DST: variants seen among roughly 807,000 people sequenced by gnomAD.
DST encodes the protein dystonin.
DST carries 253 observed loss-of-function variants against 875.2 expected under a neutral mutation model. The ratio of observed to expected loss-of-function variants is 0.29; its 90% CI spans 0.26 to 0.32. The LOEUF (loss-of-function observed/expected upper bound fraction) is 0.32, where lower values mean the gene tolerates loss of function less well. Among genes scored for constraint, DST ranks in the 10% least tolerant of loss-of-function variants. The pLI is 1.00. For synonymous variants in DST, 3,124 were observed against 3,197.1 expected (o/e 0.98, Z 0.77); for missense variants, 8,287 against 9,111.6 (o/e 0.91, Z 3.68).
chr6:56,502,322 A>G (rs1219134921), intron 78 of DST, among the ~76,000 whole-genome samples: 1 of 152,174 alleles, frequency 6.6e-6, no homozygotes, highest in Non-Finnish European at 1.5e-5. Context: ...TTCATAAAAT[A>G]TTTATTTTAA....
intron 2 of DST, among the ~76,000 whole-genome samples, chr6:56,943,877 G>A (rs1818030761): frequency 6.6e-6 from 1 of 152,100 alleles, no homozygotes; most frequent in Admixed American, 6.5e-5. Flanking sequence ...AGCACTTTGG[G>A]AGACCAAAGT....
intron 5 of DST, among the ~76,000 whole-genome samples, chr6:56,720,458 T>C (rs923649913): frequency 6.6e-6 from 1 of 151,704 alleles, no homozygotes; most frequent in African/African-American, 2.4e-5. Context: ...CAGATAAACA[T>C]GTGAACAAAG....
intron 3 of DST, among the ~76,000 whole-genome samples, chr6:56,857,629 A>G (rs1768633465): frequency 6.6e-6 from 1 of 152,196 alleles, no homozygotes; most frequent in Non-Finnish European, 1.5e-5. Flanking sequence ...GCATCACATA[A>G]TTTTGATATT....
chr6:56,826,513 CTT>C (rs1231875995), intron 4 of DST, among the ~76,000 whole-genome samples: 4 of 152,152 alleles, frequency 2.6e-5, no homozygotes, highest in Non-Finnish European at 4.4e-5. Flanking sequence ...GCTAACCACT[CTT>C]AAGTTTGGTT....
intron 4 of DST, among the ~76,000 whole-genome samples, chr6:56,760,747 T>A (rs2099615199): frequency 6.6e-6 from 1 of 152,242 alleles, no homozygotes. Flanking sequence ...GCACTTATTA[T>A]ATGCCAGGAA....
At position 56,553,747 on chromosome 6, in the gene DST, T is replaced by C. The variant is rs550562308; in HGVS notation, c.15137-92A>G. 49 of 1,244,286 alleles carry C rather than the reference T, an allele frequency of 3.9e-5. No individual in the cohort carries two copies. The Admixed American group carries it at 6.9e-4, about 17-fold the overall frequency. The allele number at this position is 1,244,286 out of a possible 1,614,324, so 77.1% of individuals were successfully genotyped here. ...AAATAAAAATCTCTGAATGAATATA[T>C]AGAATTGTTGAAAAGCAAGGGCTTT... On this transcript the variant is annotated intron_variant, in intron 60 of 103. Coordinates refer to ENST00000680361, the MANE Select transcript of DST (RefSeq NM_001374736.1).
At chr6:56,716,429 G>A (rs2099394747) in intron 5 of DST, among the ~76,000 whole-genome samples, 1 of 152,194 alleles carries the variant, frequency 6.6e-6, no homozygotes, top group Non-Finnish European at 1.5e-5. Context: ...CTACACAATT[G>A]TTAGATAAAA....
intron 58 of DST, among the ~76,000 whole-genome samples, chr6:56,557,854 A>G (rs1230053035): frequency 1.3e-5 from 2 of 152,158 alleles, no homozygotes; most frequent in Non-Finnish European, 2.9e-5. Flanking sequence ...TAGAACAATG[A>G]ACAATAATCC....
chr6:56,630,917 G>C (rs1049044310), intron 30 of DST, among the ~76,000 whole-genome samples: 11 of 151,718 alleles, frequency 7.3e-5, no homozygotes, highest in African/African-American at 2.4e-4. Context: ...CGAGTAGCTG[G>C]GACTACAGAC....
intron 49 of DST, among the ~76,000 whole-genome samples, chr6:56,581,075 A>G (rs966321041): frequency 2.9e-5 from 4 of 138,112 alleles, no homozygotes; most frequent in African/African-American, 1.1e-4. Context: ...AAAAAAAAAA[A>G]AGTGAGAGCA....
chr6:56,829,670 G>C (rs1394377644), intron 4 of DST, among the ~76,000 whole-genome samples: 1 of 152,050 alleles, frequency 6.6e-6, no homozygotes, highest in African/African-American at 2.4e-5. Flanking sequence ...AAAGTAACCA[G>C]ATCATATCAG....
At position 56,933,321 on chromosome 6, in the gene DST, G is replaced by T. The variant is rs1157436773; in HGVS notation, c.216+20464C>A. Among the ~76,000 whole-genome samples the T allele has an allele frequency of 4.6e-5, 7 of 152,322 alleles. No individual in the cohort carries two copies. The East Asian group carries it at 1.2e-3, about 25-fold the overall frequency. Reference sequence around the variant, plus strand: ...GTGTAACCTCTGCATATTGATTTATGATTTTGTCTGTAACTTCTGCTTTCC... The same window carrying T: ...GTGTAACCTCTGCATATTGATTTATTATTTTGTCTGTAACTTCTGCTTTCC... On this transcript the variant is annotated intron_variant, in intron 2 of 103. Transcript: ENST00000680361.
intron 86 of DST, among the ~76,000 whole-genome samples, chr6:56,488,812 C>T (rs926694470): frequency 9.3e-6 from 1 of 107,372 alleles, no homozygotes; most frequent in Non-Finnish European, 1.8e-5. Context: ...AATAGAATTA[C>T]ATAAAAATCC....
intron 9 of DST, among the ~76,000 whole-genome samples, chr6:56,697,467 T>C (rs2152870018): frequency 6.6e-6 from 1 of 152,306 alleles, no homozygotes; most frequent in Non-Finnish European, 1.5e-5. Flanking sequence ...CAGAATGGAT[T>C]CAGAGAGACT....
chr6:56,735,168 C>A, intron 5 of DST, 60 bp downstream of exon 5: 1 of 1,168,344 alleles, frequency 8.6e-7, no homozygotes, highest in Admixed American at 2.1e-5. Context: ...TAATCAATTA[C>A]TGCAAAATAA....
intron 54 of DST, among the ~76,000 whole-genome samples, chr6:56,569,340 C>A (rs66939557): frequency 0.37 from 48,191 of 131,506 alleles, 9,351 homozygotes; most frequent in Non-Finnish European, 0.41. Context: ...AAAAAAAAAA[C>A]AAAAACACAC....
At chr6:56,665,129 G>A (rs530045796) in intron 10 of DST, among the ~76,000 whole-genome samples, 14 of 152,032 alleles carry the variant, frequency 9.2e-5, no homozygotes, top group South Asian at 8.3e-4. Context: ...GCTCTTACTC[G>A]TTCTAAAAAT....
intron 4 of DST, among the ~76,000 whole-genome samples, chr6:56,831,546 C>T (rs191261740): frequency 5.4e-4 from 82 of 152,148 alleles, no homozygotes; most frequent in African/African-American, 1.9e-3. Context: ...CCTGGATGCT[C>T]GTATCACTCC....
At chr6:56,548,265 T>C (rs1233995207) in intron 61 of DST, among the ~76,000 whole-genome samples, 1 of 152,234 alleles carries the variant, frequency 6.6e-6, no homozygotes, top group Non-Finnish European at 1.5e-5. Flanking sequence ...TTCAAAGCCA[T>C]CCTGGGCCAC....
Sources: gnomAD v4.1 joint callset for allele counts (sites outside exome capture counted in the v4.1 genomes callset) on GRCh38, gnomAD v4.1.1 for gene constraint, MANE v1.5 for transcripts, NCBI Gene and HGNC (gene_info 2026-07-23, HGNC 2026-07-21) for gene names.